The following MAJIN variants were observed in gnomAD, a reference collection of about 807,000 sequenced individuals.
MAJIN encodes the protein membrane anchored junction protein.
In MAJIN, 27 loss-of-function variants were observed where a neutral mutation model predicts 30.2. That is an observed-to-expected ratio of 0.89 (90% confidence interval 0.66 to 1.23). The LOEUF is 1.23. MAJIN is among the 50% of genes most tolerant of loss of function. The probability of loss-of-function intolerance (pLI) is 0.00; values close to 1 mark genes in which losing one functional copy is unlikely to be tolerated. For synonymous variants in MAJIN, 78 were observed against 91.6 expected (o/e 0.85, Z 0.85); for missense variants, 253 against 260.3 (o/e 0.97, Z 0.19).
chr11:64,958,598 G>GAAAAAAA, intron 3 of MAJIN, among the ~76,000 whole-genome samples: 1 of 102,552 alleles, frequency 9.8e-6, no homozygotes, highest in East Asian at 3.5e-4. Flanking sequence ...TGTCTTGGGA[G>GAAAAAAA]AAAAAAAAAA....
At chr11:64,948,602 C>CATTCATATAT (rs1179607088) in intron 6 of MAJIN, among the ~76,000 whole-genome samples, 779 of 19,396 alleles carry the variant, frequency 0.04, 197 homozygotes, top group Non-Finnish European at 0.049. Flanking sequence ...CGGGCTACAT[C>CATTCATATAT]ATATATATAT....
At chr11:64,961,467 A>AT (rs36053356) in intron 1 of MAJIN, among the ~76,000 whole-genome samples, 27,308 of 59,294 alleles carry the variant, frequency 0.46, 9,768 homozygotes, top group Non-Finnish European at 0.62. Context: ...GTGCCCGGCA[A>AT]TTTTTTTTTT....
chr11:64,939,273 GT>G (rs1945336700), intron 10 of MAJIN, among the ~76,000 whole-genome samples: 1 of 152,066 alleles, frequency 6.6e-6, no homozygotes, highest in Admixed American at 6.6e-5. Flanking sequence ...GGCTAATTTT[GT>G]ATTTTTAGTA....
intron 1 of MAJIN, among the ~76,000 whole-genome samples, chr11:64,967,217 G>A (rs1174416633): frequency 6.6e-6 from 1 of 152,034 alleles, no homozygotes; most frequent in African/African-American, 2.4e-5. Context: ...AGACGAACCT[G>A]GCCAACGTGG....
intron 1 of MAJIN, among the ~76,000 whole-genome samples, chr11:64,965,703 T>C (rs888814931): frequency 2.0e-5 from 3 of 152,104 alleles, no homozygotes; most frequent in African/African-American, 4.8e-5. Flanking sequence ...ATGCCTGTAA[T>C]CCCAGCACTT....
Position 64,940,628 on chromosome 11 carries a change from G to T in MAJIN, c.492C>A (p.Pro164=). 6.2e-7 allele frequency: 1 copy of T among 1,613,960 alleles called. No homozygotes were observed. The highest frequency in any genetic ancestry group is 1.3e-5 in the African/African-American group (1 of 74,982). Reference sequence around the variant, plus strand: ...GCCAGAGTCTCCTGCAATCCTTGTTGGGTTTTTCTTTCCCTATTCTGTTAA... The same window carrying T: ...GCCAGAGTCTCCTGCAATCCTTGTTTGGTTTTTCTTTCCCTATTCTGTTAA... The part of the protein sequence containing the change: ...PGLDRIGKEK[P]NKDCRRLWPL... The change falls in exon 9 of 11, where the codon CCC becomes CCA. Residue 164 remains proline, a synonymous_variant. Coordinates refer to ENST00000301896, the MANE Select transcript of MAJIN (RefSeq NM_001037225.3).
At chr11:64,966,408 G>A (rs185487925) in intron 1 of MAJIN, among the ~76,000 whole-genome samples, 1 of 151,914 alleles carries the variant, frequency 6.6e-6, no homozygotes, top group East Asian at 1.9e-4. Flanking sequence ...TGTGGTGGAA[G>A]CCTGTAGTCC....
At chr11:64,969,295 T>C (rs766451072) in intron 1 of MAJIN, among the ~76,000 whole-genome samples, 1 of 151,956 alleles carries the variant, frequency 6.6e-6, no homozygotes, top group Non-Finnish European at 1.5e-5. Context: ...AAATATACAT[T>C]TGAGTCACCA....
At chr11:64,963,031 A>G (rs1206926607) in intron 1 of MAJIN, among the ~76,000 whole-genome samples, 1 of 152,070 alleles carries the variant, frequency 6.6e-6, no homozygotes, top group Non-Finnish European at 1.5e-5. Context: ...GGAGGCTAAA[A>G]CATGAAAATT....
chr11:64,963,532 C>T (rs1472773178), intron 1 of MAJIN, among the ~76,000 whole-genome samples: 1 of 152,128 alleles, frequency 6.6e-6, no homozygotes, highest in Non-Finnish European at 1.5e-5. Context: ...CTTCCATAAG[C>T]ACTTATTCAA....
At chr11:64,949,979 G>A in intron 5 of MAJIN, 111 bp from the exon 6 acceptor site, 2 of 1,391,310 alleles carry the variant, frequency 1.4e-6, no homozygotes, top group Non-Finnish European at 2.0e-6. Flanking sequence ...AACTGCCTAT[G>A]GTTTTGCTAC....
chr11:64,968,787 G>A (rs1028251294), intron 1 of MAJIN, among the ~76,000 whole-genome samples: 13 of 150,654 alleles, frequency 8.6e-5, no homozygotes, highest in East Asian at 5.9e-4. Flanking sequence ...AGCCGAGATC[G>A]CACCACTACA....
chr11:64,969,574 C>T (rs1267546193), intron 1 of MAJIN, among the ~76,000 whole-genome samples: 1 of 151,998 alleles, frequency 6.6e-6, no homozygotes, highest in Non-Finnish European at 1.5e-5. Context: ...CAGCTAGGAG[C>T]CTCCTGCGGC....
At chr11:64,957,528 C>T (rs550374765) in intron 3 of MAJIN, among the ~76,000 whole-genome samples, 7 of 152,166 alleles carry the variant, frequency 4.6e-5, no homozygotes, top group African/African-American at 1.4e-4. Context: ...CTCAGCCTCC[C>T]GAGTAGCTGG....
chr11:64,954,495 C>A, intron 4 of MAJIN: 1 of 543,518 alleles, frequency 1.8e-6, no homozygotes. Context: ...CAAAAGAGAG[C>A]TGCCCAAGGC....
At chr11:64,947,950 CTT>C in intron 6 of MAJIN, 131 bp from the exon 7 acceptor site, 2 of 789,364 alleles carry the variant, frequency 2.5e-6, no homozygotes, top group Non-Finnish European at 4.1e-6. Context: ...ACCTCCGCCT[CTT>C]GAGTTCAAGC....
At chr11:64,968,701 G>T (rs2670909) in intron 1 of MAJIN, among the ~76,000 whole-genome samples, 1 of 151,258 alleles carries the variant, frequency 6.6e-6, no homozygotes, top group Non-Finnish European at 1.5e-5. Flanking sequence ...GCGTGGTGGC[G>T]GGTGCCTGTA....
rs768821510 is a variant in MAJIN, at chr11:64,947,423, G to A, written c.424C>T (p.Arg142Ter). The A allele has an allele frequency of 1.3e-5, 21 of 1,613,836 alleles. No individual in the cohort carries two copies. Among genetic ancestry groups the A allele is most frequent in the Non-Finnish European group, 1.6e-5 (19 of 1,180,034 alleles). Residue 142 changes from arginine to a stop codon, truncating the protein, a stop_gained, in exon 8 of 11, where the codon CGA (arginine) becomes TGA (stop). Coordinates refer to ENST00000301896, the MANE Select transcript of MAJIN (RefSeq NM_001037225.3). LOFTEE classifies it high-confidence loss of function. ...KKAVGAVMRKRKHMDEPSSPS... is the reference protein window; with the variant it reads ...KKAVGAVMRK ...GAGCTGGGCTCGTCCATGTGTTTTC[G>A]TTTCCTCATCACAGCTCCTACTGCT...
At position 64,939,560 on chromosome 11, in the gene MAJIN, T is replaced by C. The variant is rs1429191530; in HGVS notation, c.*1+102A>G. 8 of 1,016,226 alleles carry C rather than the reference T, an allele frequency of 7.9e-6. No individual in the cohort carries two copies. In the South Asian group the frequency reaches 1.1e-4, roughly 14 times the overall value. The allele number at this position is 1,016,226 out of a possible 1,614,324, so 63.0% of individuals were successfully genotyped here. A position where few individuals can be genotyped will look rare whatever the true frequency, so the allele number is the denominator to read the frequency against. On this transcript the variant is annotated intron_variant, in intron 10 of 10. Transcript: ENST00000301896. Reference sequence around the variant, plus strand: ...ATCCTAGACATAAGTGAGAAGCCTCTGTAAGTAATCTGCTTTCTTTTCTAT... The same window carrying C: ...ATCCTAGACATAAGTGAGAAGCCTCCGTAAGTAATCTGCTTTCTTTTCTAT...
Sources: allele counts gnomAD v4.1 joint callset (sites outside exome capture counted in the v4.1 genomes callset), GRCh38; gene constraint gnomAD v4.1.1; transcripts MANE v1.5; gene names NCBI Gene and HGNC (gene_info 2026-07-23, HGNC 2026-07-21).